FGF14: variants seen among roughly 807,000 people sequenced by gnomAD.
The protein encoded by FGF14 is fibroblast growth factor homologous factor 4.
Under a neutral mutation model 25.5 loss-of-function variants are expected in FGF14, and 5 were observed. That is an observed-to-expected ratio of 0.20 (90% confidence interval 0.10 to 0.41). The LOEUF (loss-of-function observed/expected upper bound fraction) is 0.41, where lower values mean the gene tolerates loss of function less well. Ranked by LOEUF, FGF14 falls within the 10% of genes least tolerant of loss-of-function variation. The pLI is 1.00. For synonymous variants in FGF14, 138 were observed against 118.3 expected (o/e 1.17, Z -1.08); for missense variants, 222 against 320.1 (o/e 0.69, Z 2.34).
At chr13:102,120,738 T>C (rs612648) in intron 1 of FGF14, among the ~76,000 whole-genome samples, 102,225 of 150,382 alleles carry the variant, frequency 0.68, 36,320 homozygotes, top group East Asian at 0.9. Context: ...GAGTCTCCTT[T>C]TGCCGCCCAG....
At chr13:102,069,122 T>A (rs1216384245) in intron 1 of FGF14, among the ~76,000 whole-genome samples, 1 of 151,676 alleles carries the variant, frequency 6.6e-6, no homozygotes, top group Non-Finnish European at 1.5e-5. Context: ...ATCGGCACTT[T>A]GTATCTAGCT....
chr13:101,890,284 T>C (rs1330641161), intron 1 of FGF14, among the ~76,000 whole-genome samples: 1 of 152,082 alleles, frequency 6.6e-6, no homozygotes. Context: ...TCTTAAGCAG[T>C]CCACACCTGT....
In FGF14 at chr13:101,867,344, T is replaced by C. The variant is rs548270533; in HGVS notation, c.408+1381A>G. On this transcript the variant is annotated intron_variant, in intron 3 of 4. Transcript: ENST00000376143. ...AATAAATAAATAAAAAGCAACTCTCTCAGCAGCACAAAGATAAAACAAATA... is the reference window on the plus strand; with the variant it reads ...AATAAATAAATAAAAAGCAACTCTCCCAGCAGCACAAAGATAAAACAAATA... 4.1e-4 allele frequency among the ~76,000 whole-genome samples: 62 copies of C among 152,204 alleles called. 1 individual carries two copies. The South Asian group carries it at 0.012, about 31-fold the overall frequency.
At chr13:101,942,059 T>A (rs1000094741) in intron 1 of FGF14, among the ~76,000 whole-genome samples, 3 of 152,244 alleles carry the variant, frequency 2.0e-5, no homozygotes, top group African/African-American at 7.2e-5. Context: ...AATCATTAAT[T>A]GACTATTGGG....
Position 101,924,223 on chromosome 13 carries a change from T to A in FGF14, c.209-48927A>T, listed in dbSNP as rs557506315. ...GAGTCCCTGTGCACATGTGATATAA[T>A]CTTTTTCATATTTAGCACTGTAATG... On this transcript the variant is annotated intron_variant, in intron 1 of 4. Coordinates refer to the FGF14 transcript ENST00000376131. 2.6e-5 allele frequency among the ~76,000 whole-genome samples: 4 copies of A among 152,266 alleles called. No individual in the cohort carries two copies. In the East Asian group the frequency reaches 7.7e-4, roughly 29 times the overall value.
At chr13:102,119,120 G>A (rs770146585) in intron 1 of FGF14, among the ~76,000 whole-genome samples, 7 of 152,160 alleles carry the variant, frequency 4.6e-5, no homozygotes, top group Non-Finnish European at 7.4e-5. Context: ...GGCCTCTAGT[G>A]TGTTGCAATA....
intron 4 of FGF14, among the ~76,000 whole-genome samples, chr13:101,724,628 AT>A: frequency 7.7e-6 from 1 of 129,534 alleles, no homozygotes; most frequent in Admixed American, 8.8e-5. Context: ...ATATATATAT[AT>A]ATAAAACAAA....
intron 1 of FGF14, among the ~76,000 whole-genome samples, chr13:102,146,062 AC>A (rs2046841355): frequency 6.6e-6 from 1 of 152,228 alleles, no homozygotes; most frequent in African/African-American, 2.4e-5. Flanking sequence ...TTACCCAGGA[AC>A]TTTTATATTC....
Position 102,231,838 on chromosome 13 carries a change from T to TAAA in FGF14, c.208+169632_208+169633insTTT, listed in dbSNP as rs372019490. Among the ~76,000 whole-genome samples, 1,196 of 152,284 alleles carry TAAA rather than the reference T, an allele frequency of 7.9e-3. 17 individuals carry two copies. The highest frequency in any genetic ancestry group is 0.027 in the African/African-American group (1,142 of 41,562). On this transcript the variant is annotated intron_variant, in intron 1 of 4. Transcript: ENST00000376131. Reference sequence around the variant, plus strand: ...CTCTGTTTCTCCACCTGCAAGATAGTCAGTATGGCAGTAATTCCCAACTCA... The same window carrying TAAA: ...CTCTGTTTCTCCACCTGCAAGATAGTAAACAGTATGGCAGTAATTCCCAACTCA...
chr13:102,360,837 T>C (rs929317743), intron 1 of FGF14, among the ~76,000 whole-genome samples: 3 of 152,002 alleles, frequency 2.0e-5, no homozygotes, highest in African/African-American at 7.2e-5. Flanking sequence ...GTATACTCCA[T>C]TCTAAACACT....
intron 1 of FGF14, among the ~76,000 whole-genome samples, chr13:101,885,654 C>T (rs2045950166): frequency 6.6e-6 from 1 of 151,706 alleles, no homozygotes; most frequent in Non-Finnish European, 1.5e-5. Flanking sequence ...TTTCCCTTTA[C>T]CCAAAAGCCT....
chr13:102,346,857 T>C (rs1181647467), intron 1 of FGF14, among the ~76,000 whole-genome samples: 5 of 152,220 alleles, frequency 3.3e-5, no homozygotes, highest in African/African-American at 9.6e-5. Flanking sequence ...AATTTTAGTA[T>C]TAGTCAACAA....
intron 3 of FGF14, among the ~76,000 whole-genome samples, chr13:101,855,032 TATA>T (rs1455203821): frequency 2.0e-5 from 3 of 151,996 alleles, no homozygotes; most frequent in African/African-American, 7.2e-5. Flanking sequence ...TTCATGATTA[TATA>T]ATAATTGTAC....
chr13:101,911,136 C>T (rs538188460), intron 1 of FGF14, among the ~76,000 whole-genome samples: 6 of 151,960 alleles, frequency 3.9e-5, no homozygotes, highest in Non-Finnish European at 5.9e-5. Flanking sequence ...TAACTTTACA[C>T]CAAAGAGAAG....
intron 1 of FGF14, among the ~76,000 whole-genome samples, chr13:101,941,664 A>G (rs1315723007): frequency 6.6e-6 from 1 of 152,182 alleles, no homozygotes; most frequent in Non-Finnish European, 1.5e-5. Flanking sequence ...CTTTTGTCCA[A>G]CTGTCTAGTT....
chr13:102,177,742 T>C (rs2048505221), intron 1 of FGF14, among the ~76,000 whole-genome samples: 1 of 151,712 alleles, frequency 6.6e-6, no homozygotes. Context: ...TACCAAGAGC[T>C]ATTTAAGGCA....
At chr13:102,236,454 C>G (rs2141011682) in intron 1 of FGF14, among the ~76,000 whole-genome samples, 1 of 152,278 alleles carries the variant, frequency 6.6e-6, no homozygotes, top group Admixed American at 6.5e-5. Context: ...CTTTGACAGA[C>G]TGAGAACTCT....
intron 3 of FGF14, among the ~76,000 whole-genome samples, chr13:101,867,036 A>T (rs2044745007): frequency 6.6e-6 from 1 of 152,080 alleles, no homozygotes; most frequent in African/African-American, 2.4e-5. Flanking sequence ...GAGAGGAGAG[A>T]ACAACGTACC....
rs574310774 is a variant in FGF14, at chr13:102,005,388, C to T, written c.209-130092G>A. On this transcript the variant is annotated intron_variant, in intron 1 of 4. Transcript: ENST00000376131. ...AGATTTCTGTGTTCAATGCCAGCACCATACAAAACATTTAATGTGCACTAG... is the reference window on the plus strand; with the variant it reads ...AGATTTCTGTGTTCAATGCCAGCACTATACAAAACATTTAATGTGCACTAG... Among the ~76,000 whole-genome samples, 7 of 152,252 alleles carry T rather than the reference C, an allele frequency of 4.6e-5. No homozygotes were observed. In the South Asian group the frequency reaches 1.5e-3, roughly 32 times the overall value.
Sources: allele counts gnomAD v4.1 joint callset (sites outside exome capture counted in the v4.1 genomes callset), GRCh38; gene constraint gnomAD v4.1.1; transcripts MANE v1.5; gene names NCBI Gene and HGNC (gene_info 2026-07-23, HGNC 2026-07-21).